PLD5: variants seen among roughly 807,000 people sequenced by gnomAD.
PLD5 encodes phospholipase D family member 5, also known as inactive phospholipase D5.
In PLD5, 36 loss-of-function variants were observed where a neutral mutation model predicts 61.1. The observed-to-expected ratio is 0.59, with a 90% CI of 0.45 to 0.78. PLD5 has a LOEUF of 0.78. Ranked by LOEUF, PLD5 falls within the 30% of genes least tolerant of loss-of-function variation. The probability of loss-of-function intolerance (pLI) is 0.00; values close to 1 mark genes in which losing one functional copy is unlikely to be tolerated. For synonymous variants in PLD5, 243 were observed against 242.8 expected (o/e 1.00, Z -0.01); for missense variants, 515 against 644.4 (o/e 0.80, Z 2.17).
chr1:242,423,411 T>C (rs1005776109), intron 1 of PLD5, among the ~76,000 whole-genome samples: 1 of 152,168 alleles, frequency 6.6e-6, no homozygotes, highest in African/African-American at 2.4e-5. Flanking sequence ...TCTGAAAGGA[T>C]AGAATACTGT....
chr1:242,367,466 A>G (rs1661407250), intron 1 of PLD5, among the ~76,000 whole-genome samples: 1 of 152,172 alleles, frequency 6.6e-6, no homozygotes, highest in African/African-American at 2.4e-5. Context: ...GAGCAGCACA[A>G]AACAGACATG....
chr1:242,251,590 G>T (rs1411873643), intron 4 of PLD5, among the ~76,000 whole-genome samples: 1 of 152,122 alleles, frequency 6.6e-6, no homozygotes, highest in Non-Finnish European at 1.5e-5. Context: ...CTGCACAGGG[G>T]TAGGACCAGT....
At chr1:242,493,995 T>G (rs2102980893) in intron 1 of PLD5, among the ~76,000 whole-genome samples, 1 of 152,246 alleles carries the variant, frequency 6.6e-6, no homozygotes, top group East Asian at 1.9e-4. Context: ...AAAACTTCCT[T>G]TTTATCTTTC....
At chr1:242,304,047 C>A (rs140155787) in intron 2 of PLD5, among the ~76,000 whole-genome samples, 1 of 152,088 alleles carries the variant, frequency 6.6e-6, no homozygotes, top group African/African-American at 2.4e-5. Flanking sequence ...AAGTCTGATG[C>A]TTATCTGGGG....
At chr1:242,106,998 C>T (rs1661107983) in intron 8 of PLD5, among the ~76,000 whole-genome samples, 1 of 152,042 alleles carries the variant, frequency 6.6e-6, no homozygotes, top group South Asian at 2.1e-4. Flanking sequence ...TTGCTAATTC[C>T]CAATCTTACC....
At chr1:242,239,596 CCTGT>C (rs1308346944) in intron 4 of PLD5, among the ~76,000 whole-genome samples, 1 of 152,134 alleles carries the variant, frequency 6.6e-6, no homozygotes, top group Non-Finnish European at 1.5e-5. Flanking sequence ...AGTCCTTCTT[CCTGT>C]CTCTCTTAGA....
At chr1:242,120,757 G>A (rs572962278) in intron 6 of PLD5, among the ~76,000 whole-genome samples, 3 of 152,072 alleles carry the variant, frequency 2.0e-5, no homozygotes, top group Non-Finnish European at 4.4e-5. Flanking sequence ...AAGCTTAAAG[G>A]CTCCAAAAAG....
chr1:242,127,062 T>C (rs1029999711), intron 5 of PLD5, among the ~76,000 whole-genome samples: 1 of 152,074 alleles, frequency 6.6e-6, no homozygotes, highest in Non-Finnish European at 1.5e-5. Flanking sequence ...GTGCTCAACA[T>C]CACTAATGAT....
chr1:242,156,320 G>A (rs1290411220), intron 5 of PLD5, among the ~76,000 whole-genome samples: 1 of 152,150 alleles, frequency 6.6e-6, no homozygotes, highest in Non-Finnish European at 1.5e-5. Context: ...GCCAGTCTGT[G>A]TCTTTTAATT....
At chr1:242,240,350 C>G (rs370544373) in intron 4 of PLD5, among the ~76,000 whole-genome samples, 2 of 152,310 alleles carry the variant, frequency 1.3e-5, no homozygotes, top group South Asian at 4.1e-4. Context: ...TGCTCTCCCC[C>G]AACATTCTTT....
intron 5 of PLD5, among the ~76,000 whole-genome samples, chr1:242,198,664 G>A (rs1668789834): frequency 6.9e-6 from 1 of 145,102 alleles, no homozygotes; most frequent in Non-Finnish European, 1.5e-5. Flanking sequence ...ATGTGCTGTG[G>A]GTGTCAAGTT....
chr1:242,326,634 G>T (rs577419088), intron 2 of PLD5, among the ~76,000 whole-genome samples: 4 of 152,050 alleles, frequency 2.6e-5, no homozygotes, highest in South Asian at 2.1e-4. Flanking sequence ...GCTGAAAAAA[G>T]ATCTTGATAT....
chr1:242,394,916 G>GAATATATA (rs200953886), intron 1 of PLD5, among the ~76,000 whole-genome samples: 1 of 67,482 alleles, frequency 1.5e-5, no homozygotes, highest in African/African-American at 6.9e-5. Context: ...GAATATATAT[G>GAATATATA]TATATATGTA....
At chr1:242,436,882 C>G (rs1346023989) in intron 1 of PLD5, among the ~76,000 whole-genome samples, 2 of 152,152 alleles carry the variant, frequency 1.3e-5, no homozygotes, top group African/African-American at 4.8e-5. Flanking sequence ...AAGACATTTT[C>G]TAAAAGTTAG....
chr1:242,468,079 A>C (rs921472976), intron 1 of PLD5, among the ~76,000 whole-genome samples: 1 of 152,234 alleles, frequency 6.6e-6, no homozygotes, highest in Non-Finnish European at 1.5e-5. Flanking sequence ...TTATAAAATT[A>C]GAGAGGAAAT....
At chr1:242,318,264 T>C (rs1276280849) in intron 2 of PLD5, among the ~76,000 whole-genome samples, 1 of 151,776 alleles carries the variant, frequency 6.6e-6, no homozygotes, top group Non-Finnish European at 1.5e-5. Flanking sequence ...GGACCAGAGG[T>C]GGGATGGCCT....
At chr1:242,292,898 G>T (rs1675449118) in intron 2 of PLD5, among the ~76,000 whole-genome samples, 1 of 150,238 alleles carries the variant, frequency 6.7e-6, no homozygotes, top group Non-Finnish European at 1.5e-5. Context: ...AACACTTTCA[G>T]TTTCCTTTGC....
At chr1:242,193,693 GC>G (rs2148935664) in intron 5 of PLD5, among the ~76,000 whole-genome samples, 1 of 152,336 alleles carries the variant, frequency 6.6e-6, no homozygotes, top group South Asian at 2.1e-4. Flanking sequence ...ATAGACTGGA[GC>G]AGTTGCCTTG....
At chr1:242,359,144 T>TAG (rs1260845157) in intron 1 of PLD5, among the ~76,000 whole-genome samples, 6 of 152,010 alleles carry the variant, frequency 3.9e-5, no homozygotes, top group Non-Finnish European at 8.8e-5. Flanking sequence ...TACCCACTGG[T>TAG]CTCCGTGGGT....
Sources: gnomAD v4.1 joint callset for allele counts (sites outside exome capture counted in the v4.1 genomes callset) on GRCh38, gnomAD v4.1.1 for gene constraint, MANE v1.5 for transcripts, NCBI Gene and HGNC (gene_info 2026-07-23, HGNC 2026-07-21) for gene names.